Variants in EIF2AK1 observed in about 807,000 individuals in gnomAD.
The protein encoded by EIF2AK1 is eukaryotic translation initiation factor 2 alpha kinase 1, also known as eukaryotic translation initiation factor 2-alpha kinase 1.
In EIF2AK1, 54 loss-of-function variants were observed where a neutral mutation model predicts 77.9. The observed-to-expected ratio is 0.69, with a 90% CI of 0.56 to 0.87. The LOEUF is 0.87. Among genes scored for constraint, EIF2AK1 ranks in the 40% least tolerant of loss-of-function variants. The pLI, the probability that EIF2AK1 is intolerant of heterozygous loss-of-function variation, is 0.00. For missense variants in EIF2AK1, 810 were observed against 768.6 expected (o/e 1.05, Z -0.64); for synonymous variants, 314 against 290.5 (o/e 1.08, Z -0.82).
Position 6,036,688 on chromosome 7 carries a change from G to C in EIF2AK1, c.1332+736C>G, listed in dbSNP as rs1788108371. 6.6e-6 allele frequency among the ~76,000 whole-genome samples: 1 copy of C among 150,764 alleles called. No individual in the cohort carries two copies. The highest frequency in any genetic ancestry group is 1.5e-5 in the Non-Finnish European group (1 of 67,850). On this transcript the variant is annotated intron_variant, in intron 11 of 14. Coordinates refer to ENST00000199389, the MANE Select transcript of EIF2AK1 (RefSeq NM_014413.4). The surrounding 1 kb of genome is among the most constrained non-coding windows in gnomAD (Gnocchi z 4.6). ...TTTCTCTCTTTCTTGATAGCCTTTT[G>C]TGGATAAAAATCAAATAGTCATTAT...
In EIF2AK1 at chr7:6,032,157, C is replaced by G. The variant is rs763655823; in HGVS notation, c.1333-3125G>C. On this transcript the variant is annotated intron_variant, in intron 11 of 14. Transcript: ENST00000199389. This position sits in a 1 kb window ranked among gnomAD's most constrained non-coding sequence, Gnocchi z 4.3. ...CCACTGCACTCTCTAGCCTGGATGA[C>G]AGAGCAAGACTCCATCTCAAACAAA... 1.3e-5 allele frequency among the ~76,000 whole-genome samples: 2 copies of G among 152,192 alleles called. No homozygotes were observed. Among genetic ancestry groups the G allele is most frequent in the Non-Finnish European group, 2.9e-5 (2 of 68,028 alleles).
Position 6,038,770 on chromosome 7 carries a change from G to C in EIF2AK1, c.1120-99C>G, listed in dbSNP as rs922103552. 6.0e-6 allele frequency: 6 copies of C among 996,840 alleles called. No individual in the cohort carries two copies. In the African/African-American group the frequency reaches 6.6e-5, roughly 11 times the overall value. 61.7% of individuals were successfully genotyped at this position (996,840 alleles called of 1,614,324 possible). ...AATCTGCCTATTCTGGGCCAAGAGA[G>C]TAGGCCTCTAGGGAAGTCATTAAAC... On this transcript the variant is annotated intron_variant, in intron 9 of 14. Coordinates refer to ENST00000199389, the MANE Select transcript of EIF2AK1 (RefSeq NM_014413.4).
At chr7:6,028,352 A>T (rs1352618064) in intron 13 of EIF2AK1, among the ~76,000 whole-genome samples, 3 of 152,086 alleles carry the variant, frequency 2.0e-5, no homozygotes, top group Non-Finnish European at 4.4e-5. Flanking sequence ...CCCAGATTCA[A>T]ATGATTCTCA....
Position 6,023,106 on chromosome 7 carries a change from T to G in EIF2AK1, c.*1567A>C. ...CCAGGAATGACTCTTTGGTTACTTT[T>G]TTAACATAGTTTGCACTTAAACCCT... On this transcript the variant is annotated 3_prime_UTR_variant, in exon 15 of 15. Transcript: ENST00000199389. 1.6e-6 allele frequency: 1 copy of G among 623,444 alleles called. No individual in the cohort carries two copies. Among genetic ancestry groups the G allele is most frequent in the East Asian group, 3.0e-5 (1 of 33,780 alleles). 38.6% of individuals were successfully genotyped at this position (623,444 alleles called of 1,614,324 possible). A position where few individuals can be genotyped will look rare whatever the true frequency, so the allele number is the denominator to read the frequency against.
rs918526690 is a variant in EIF2AK1, at chr7:6,027,791, C to T, written c.1530+824G>A. The T allele has an allele frequency of 1.8e-5, 5 of 277,654 alleles. No homozygotes were observed. The highest frequency in any genetic ancestry group is 9.3e-5 in the African/African-American group (4 of 42,984). The allele number at this position is 277,654 out of a possible 1,614,324, so 17.2% of individuals were successfully genotyped here. A position where few individuals can be genotyped will look rare whatever the true frequency, so the allele number is the denominator to read the frequency against. ...CATTTCAAAATCGATTTAGGCCAGG[C>T]GCAGAGGTTCATGCCTTAATCCCAG... On this transcript the variant is annotated intron_variant, in intron 13 of 14. Transcript: ENST00000199389. The surrounding 1 kb of genome is among the most constrained non-coding windows in gnomAD (Gnocchi z 4.5).
intron 2 of EIF2AK1, 35 bp from the exon 3 acceptor site, chr7:6,050,080 C>A: frequency 1.3e-6 from 2 of 1,559,562 alleles, no homozygotes. Context: ...TTATTAGAAA[C>A]ATCTTTAATA....
At chr7:6,042,093 G>A (rs1418781766) in intron 8 of EIF2AK1, among the ~76,000 whole-genome samples, 2 of 152,026 alleles carry the variant, frequency 1.3e-5, no homozygotes, top group African/African-American at 4.8e-5. Context: ...AGGCTGCAAT[G>A]AGCTGTGATC....
At position 6,028,662 on chromosome 7, in the gene EIF2AK1, G is replaced by GACAAGT; in HGVS notation, c.1477_1482dup (p.Thr493_Cys494dup). On this transcript the variant is annotated inframe_insertion, in exon 13 of 15. Coordinates refer to ENST00000199389, the MANE Select transcript of EIF2AK1 (RefSeq NM_014413.4). ...TCCAACTGTTCGGGTGAAGCGTACA[G>GACAAGT]ACAAGTACCCACTCTGGACGTATGT... is the stretch of plus-strand genomic sequence containing the variant. 1 of 1,614,232 alleles carries GACAAGT rather than the reference G, an allele frequency of 6.2e-7. No individual in the cohort carries two copies. The highest frequency in any genetic ancestry group is 8.5e-7 in the Non-Finnish European group (1 of 1,180,030).
In EIF2AK1 at chr7:6,033,017, G is replaced by A; in HGVS notation, c.1333-3985C>T. 1 of 1,216,792 alleles carries A rather than the reference G, an allele frequency of 8.2e-7. No individual in the cohort carries two copies. The highest frequency in any genetic ancestry group is 1.1e-6 in the Non-Finnish European group (1 of 869,860). 75.4% of individuals were successfully genotyped at this position (1,216,792 alleles called of 1,614,324 possible). ...GGGGTCTCGCTCTGTTGCCCAGGCT[G>A]GAGTGCAATGGCACAATCTCGCCTC... On this transcript the variant is annotated intron_variant, in intron 11 of 14. Coordinates refer to ENST00000199389, the MANE Select transcript of EIF2AK1 (RefSeq NM_014413.4). This position sits in a 1 kb window ranked among gnomAD's most constrained non-coding sequence, Gnocchi z 4.4.
At chr7:6,051,626 C>T (rs1160118267) in intron 2 of EIF2AK1, among the ~76,000 whole-genome samples, 1 of 151,936 alleles carries the variant, frequency 6.6e-6, no homozygotes, top group African/African-American at 2.4e-5. Flanking sequence ...GATGGGGTTT[C>T]ACCATGTTGG....
chr7:6,054,529 C>A lies in EIF2AK1; in HGVS notation c.277+17G>T, dbSNP rs868734495. On this transcript the variant is annotated intron_variant, in intron 2 of 14. Coordinates refer to ENST00000199389, the MANE Select transcript of EIF2AK1 (RefSeq NM_014413.4). ...TTTACAAGCTTTATTTAGCAAGATT[C>A]ATTTATTCTTACTTACGCTTAAACA... The A allele has an allele frequency of 1.8e-5, 29 of 1,613,058 alleles. 1 individual carries two copies. The African/African-American group carries it at 2.9e-4, about 16-fold the overall frequency.
Position 6,054,528 on chromosome 7 carries a change from T to G in EIF2AK1, c.277+18A>C. The stretch of plus-strand genomic sequence containing the variant: ...CTTTACAAGCTTTATTTAGCAAGAT[T>G]CATTTATTCTTACTTACGCTTAAAC... On this transcript the variant is annotated intron_variant, in intron 2 of 14. Transcript: ENST00000199389. 4 of 1,612,362 alleles carry G rather than the reference T, an allele frequency of 2.5e-6. No individual in the cohort carries two copies. The highest frequency in any genetic ancestry group is 3.4e-6 in the Non-Finnish European group (4 of 1,178,574).
At chr7:6,041,944 T>A (rs1033987422) in intron 8 of EIF2AK1, among the ~76,000 whole-genome samples, 2 of 147,278 alleles carry the variant, frequency 1.4e-5, no homozygotes, top group African/African-American at 4.9e-5. Flanking sequence ...AGCCCAGGAG[T>A]TCAACACTAG....
intron 1 of EIF2AK1, among the ~76,000 whole-genome samples, chr7:6,056,527 G>A (rs1426053032): frequency 1.4e-5 from 2 of 146,928 alleles, no homozygotes; most frequent in East Asian, 4.0e-4. Context: ...TGGAGGGGCG[G>A]AGGTTGCAGT....
At chr7:6,047,542 G>A (rs997778658) in intron 4 of EIF2AK1, among the ~76,000 whole-genome samples, 12 of 151,734 alleles carry the variant, frequency 7.9e-5, no homozygotes, top group Non-Finnish European at 8.8e-5. Flanking sequence ...GTGTGGTGGC[G>A]GGTGCCTGTA....
chr7:6,042,913 T>C lies in EIF2AK1; in HGVS notation c.791+20A>G. ...ATGCAGGTGACAAGAGGTAATGTCC[T>C]AATATGTAAAAGGACATACCTGTCC... On this transcript the variant is annotated intron_variant, in intron 8 of 14. Coordinates refer to ENST00000199389, the MANE Select transcript of EIF2AK1 (RefSeq NM_014413.4). 6.2e-7 allele frequency: 1 copy of C among 1,608,094 alleles called. No individual in the cohort carries two copies. Among genetic ancestry groups the C allele is most frequent in the Non-Finnish European group, 8.5e-7 (1 of 1,175,504 alleles).
At chr7:6,054,273 C>G (rs1165408398) in intron 2 of EIF2AK1, among the ~76,000 whole-genome samples, 1 of 152,214 alleles carries the variant, frequency 6.6e-6, no homozygotes, top group East Asian at 1.9e-4. Context: ...GGCGCTATCT[C>G]GGCTCACTGC....
intron 11 of EIF2AK1, among the ~76,000 whole-genome samples, chr7:6,034,841 C>A (rs1036073730): frequency 1.3e-5 from 2 of 152,176 alleles, no homozygotes; most frequent in African/African-American, 4.8e-5. Flanking sequence ...AGGGAATGAA[C>A]TTCGGAATGA....
chr7:6,031,327 C>G, intron 11 of EIF2AK1: 1 of 1,501,886 alleles, frequency 6.7e-7, no homozygotes, highest in Non-Finnish European at 9.1e-7. Flanking sequence ...GAGACTGAAA[C>G]TGACCAATTC....
Sources: allele counts gnomAD v4.1 joint callset (sites outside exome capture counted in the v4.1 genomes callset), GRCh38; gene constraint gnomAD v4.1.1; non-coding constraint Gnocchi (gnomAD v3.1); transcripts MANE v1.5; gene names NCBI Gene and HGNC (gene_info 2026-07-23, HGNC 2026-07-21).